The following LYZL1 variants were observed in gnomAD, a reference collection of about 807,000 sequenced individuals.
LYZL1 encodes lysozyme like 1.
A neutral mutation model predicts 17.9 loss-of-function variants in LYZL1; 16 were observed. That is an observed-to-expected ratio of 0.90 (90% CI 0.61 to 1.36). The LOEUF (loss-of-function observed/expected upper bound fraction) is 1.36. Ranked by LOEUF, LYZL1 falls within the 40% of genes most tolerant of loss-of-function variation. The pLI, the probability that LYZL1 is intolerant of heterozygous loss-of-function variation, is 0.00. For missense variants in LYZL1, 149 were observed against 188.4 expected (o/e 0.79, Z 1.22); for synonymous variants, 58 against 71.8 (o/e 0.81, Z 0.97).
chr10:29,308,144 C>T (rs2132835085), intron 3 of LYZL1, among the ~76,000 whole-genome samples: 1 of 152,282 alleles, frequency 6.6e-6, no homozygotes, highest in African/African-American at 2.4e-5. Flanking sequence ...CTCCCAGATC[C>T]CCTGCTAAGG....
At chr10:29,298,134 T>A (rs1835470088) in intron 3 of LYZL1, among the ~76,000 whole-genome samples, 1 of 152,140 alleles carries the variant, frequency 6.6e-6, no homozygotes, top group Non-Finnish European at 1.5e-5. Context: ...ATAAAGACTC[T>A]ACTTACAAAA....
intron 1 of LYZL1, among the ~76,000 whole-genome samples, chr10:29,291,291 A>T (rs768036450): frequency 1.1e-4 from 17 of 152,034 alleles, no homozygotes; most frequent in Non-Finnish European, 2.5e-4. Flanking sequence ...GGAAGAGAAG[A>T]TACATTTACT....
At chr10:29,299,641 G>A (rs1835490837) in intron 3 of LYZL1, among the ~76,000 whole-genome samples, 1 of 152,094 alleles carries the variant, frequency 6.6e-6, no homozygotes, top group Non-Finnish European at 1.5e-5. Flanking sequence ...ATGTCTTTGT[G>A]GTGAATTGAC....
intron 3 of LYZL1, among the ~76,000 whole-genome samples, chr10:29,306,336 G>A (rs1379877081): frequency 2.2e-5 from 3 of 137,482 alleles, no homozygotes; most frequent in African/African-American, 5.4e-5. Context: ...GGATCACGAG[G>A]TCAGGAGATC....
At position 29,299,163 on chromosome 10, in the gene LYZL1, G is replaced by A. The variant is rs1358247355; in HGVS notation, c.298+6486G>A. Reference sequence around the variant, plus strand: ...TGCCACTGATCCAACAGGAGGTGAAGCTCAGGTGGTAATGCAACCAATGGC... The same window carrying A: ...TGCCACTGATCCAACAGGAGGTGAAACTCAGGTGGTAATGCAACCAATGGC... On this transcript the variant is annotated intron_variant, in intron 3 of 4. Coordinates refer to ENST00000649382, the MANE Select transcript of LYZL1 (RefSeq NM_032517.6). Among the ~76,000 whole-genome samples the A allele has an allele frequency of 4.6e-5, 7 of 152,122 alleles. No individual in the cohort carries two copies. In the South Asian group the frequency reaches 1.5e-3, roughly 32 times the overall value.
intron 3 of LYZL1, among the ~76,000 whole-genome samples, chr10:29,293,708 C>G (rs1304285534): frequency 6.6e-6 from 1 of 152,118 alleles, no homozygotes; most frequent in Non-Finnish European, 1.5e-5. Context: ...CACAGTGGCT[C>G]ATGCCTGTAA....
At chr10:29,315,666 A>G (rs1461119824), downstream of LYZL1, among the ~76,000 whole-genome samples, 1 of 151,804 alleles carries the variant, frequency 6.6e-6, no homozygotes, top group Non-Finnish European at 1.5e-5. Flanking sequence ...TGGGCAACAG[A>G]GTGAGATCCC....
chr10:29,298,669 C>T (rs908187834), intron 3 of LYZL1, among the ~76,000 whole-genome samples: 7 of 152,042 alleles, frequency 4.6e-5, no homozygotes, highest in African/African-American at 9.7e-5. Context: ...ACAAGGGACT[C>T]GATGAGGGAG....
intron 3 of LYZL1, among the ~76,000 whole-genome samples, chr10:29,296,496 C>T (rs551264011): frequency 5.9e-5 from 9 of 152,210 alleles, no homozygotes; most frequent in Non-Finnish European, 1.2e-4. Context: ...AGGCATTCAC[C>T]TACTGACTGC....
intron 3 of LYZL1, among the ~76,000 whole-genome samples, chr10:29,296,557 A>G (rs1346102975): frequency 6.6e-6 from 1 of 152,194 alleles, no homozygotes; most frequent in Non-Finnish European, 1.5e-5. Flanking sequence ...AGACGAGTAA[A>G]GTAGAAAACC....
In LYZL1 at chr10:29,299,217, C is replaced by T. The variant is rs543158582; in HGVS notation, c.298+6540C>T. Among the ~76,000 whole-genome samples the T allele has an allele frequency of 5.9e-5, 9 of 152,266 alleles. No individual in the cohort carries two copies. The South Asian group carries it at 1.7e-3, about 28-fold the overall frequency. ...CTTGTGGCTGTAAATACAGATGAAG[C>T]TTAGCTCACTTGCCTGCCGCTCACC... is the stretch of plus-strand genomic sequence containing the variant. On this transcript the variant is annotated intron_variant, in intron 3 of 4. Coordinates refer to ENST00000649382, the MANE Select transcript of LYZL1 (RefSeq NM_032517.6).
chr10:29,310,220 T>C (rs1015740572), intron 4 of LYZL1, 32 bp downstream of exon 4: 3 of 1,506,328 alleles, frequency 2.0e-6, no homozygotes, highest in African/African-American at 1.4e-5. Flanking sequence ...ACTTGTGCTG[T>C]CATGGGCAAA....
downstream of LYZL1, among the ~76,000 whole-genome samples, chr10:29,313,953 C>T (rs1218994912): frequency 6.6e-6 from 1 of 152,206 alleles, no homozygotes; most frequent in South Asian, 2.1e-4. Flanking sequence ...ATTCTTGGGA[C>T]ACCTCCCACT....
downstream of LYZL1, among the ~76,000 whole-genome samples, chr10:29,311,531 C>T (rs1206885771): frequency 1.3e-5 from 2 of 151,944 alleles, no homozygotes; most frequent in Non-Finnish European, 2.9e-5. Context: ...GCCTAGACAC[C>T]ATTTATCTAT....
chr10:29,302,282 C>A (rs927280149), intron 3 of LYZL1, among the ~76,000 whole-genome samples: 8 of 152,044 alleles, frequency 5.3e-5, no homozygotes, highest in Non-Finnish European at 1.0e-4. Context: ...AGATACACAG[C>A]AAAGGAGATG....
chr10:29,310,907 G>T (rs1266438694), intron 4 of LYZL1, 83 bp from the exon 5 acceptor site: 2 of 1,607,418 alleles, frequency 1.2e-6, no homozygotes, highest in African/African-American at 2.7e-5. Flanking sequence ...GGCGATTTTG[G>T]TTAATTTCTG....
At chr10:29,292,450 G>T in intron 2 of LYZL1, 69 bp from the exon 3 acceptor site, 1 of 1,575,252 alleles carries the variant, frequency 6.3e-7, no homozygotes, top group Non-Finnish European at 8.6e-7. Context: ...AAGGAAACTC[G>T]CCCTCAGACC....
chr10:29,301,600 T>C (rs1181797274), intron 3 of LYZL1, among the ~76,000 whole-genome samples: 2 of 152,232 alleles, frequency 1.3e-5, no homozygotes, highest in African/African-American at 4.8e-5. Flanking sequence ...TTTTATCTAG[T>C]CATTTTTAAG....
Position 29,310,193 on chromosome 10 carries a change from G to A in LYZL1, c.377+5G>A. ...GACACAAGGAATGAACTATTGGTAAGAGTGTTTTCTTGGGAGACTTGTGCT... is the reference window on the plus strand; with the variant it reads ...GACACAAGGAATGAACTATTGGTAAAAGTGTTTTCTTGGGAGACTTGTGCT... On this transcript the variant is annotated splice_donor_5th_base_variant and intron_variant, in intron 4 of 4. Coordinates refer to ENST00000649382, the MANE Select transcript of LYZL1 (RefSeq NM_032517.6). The A allele has an allele frequency of 6.3e-7, 1 of 1,597,774 alleles. No homozygotes were observed. The highest frequency in any genetic ancestry group is 2.2e-5 in the East Asian group (1 of 44,784).
Sources: gnomAD v4.1 joint callset for allele counts (sites outside exome capture counted in the v4.1 genomes callset) on GRCh38, gnomAD v4.1.1 for gene constraint, MANE v1.5 for transcripts, NCBI Gene and HGNC (gene_info 2026-07-23, HGNC 2026-07-21) for gene names.